The following SYNPO2 variants were observed in gnomAD, a reference collection of about 807,000 sequenced individuals.
SYNPO2 encodes the protein synaptopodin 2, also known as synaptopodin-2.
In SYNPO2, 56 loss-of-function variants were observed where a neutral mutation model predicts 85.0. That is an observed-to-expected ratio of 0.66 (90% CI 0.53 to 0.82). SYNPO2 has a LOEUF of 0.82. Among genes scored for constraint, SYNPO2 ranks in the 40% least tolerant of loss-of-function variants. The pLI is 0.00. For missense variants in SYNPO2, 1,575 were observed against 1,534.2 expected, an observed-to-expected ratio of 1.03 and a Z score of -0.44; for synonymous variants, 602 against 591.1, an observed-to-expected ratio of 1.02 and a Z score of -0.27.
At chr4:118,857,506 T>A (rs1731526189) in intron 1 of SYNPO2, among the ~76,000 whole-genome samples, 1 of 152,176 alleles carries the variant, frequency 6.6e-6, no homozygotes, top group Non-Finnish European at 1.5e-5. Flanking sequence ...AAGCCTTTGA[T>A]GAAAAAATTT....
chr4:119,032,929 T>TGA, intron 4 of SYNPO2: 5 of 905,314 alleles, frequency 5.5e-6, no homozygotes, highest in Non-Finnish European at 5.3e-6. Context: ...AAAGGTTGAT[T>TGA]CCCACCCTCC....
chr4:118,949,591 A>AG (rs1246310141), intron 1 of SYNPO2, among the ~76,000 whole-genome samples: 1 of 151,882 alleles, frequency 6.6e-6, no homozygotes, highest in East Asian at 1.9e-4. Context: ...AAAAAAAAAA[A>AG]AACAAAAATT....
At chr4:118,892,345 A>G (rs902729329) in intron 1 of SYNPO2, among the ~76,000 whole-genome samples, 5 of 152,204 alleles carry the variant, frequency 3.3e-5, no homozygotes, top group African/African-American at 1.2e-4. Flanking sequence ...TATATTCTAA[A>G]TATATGTGAT....
rs78116325 is a variant in SYNPO2 at position 118,997,999 on chromosome 4, G to A, written c.106-25431G>A. ...TCCTGACAGTAAAATAGCTTTGGGG[G>A]AATTGAGGAGAAAGGAGAGGGGCGC... On this transcript the variant is annotated intron_variant, in intron 1 of 4. Transcript: ENST00000307142. 6.3e-3 allele frequency among the ~76,000 whole-genome samples: 966 copies of A among 152,258 alleles called. 13 individuals are homozygous for A. The highest frequency in any genetic ancestry group is 0.022 in the African/African-American group (919 of 41,542).
At chr4:119,022,693 T>C (rs1174596265) in intron 1 of SYNPO2, among the ~76,000 whole-genome samples, 2 of 132,082 alleles carry the variant, frequency 1.5e-5, no homozygotes, top group East Asian at 4.3e-4. Context: ...TTTAATTGTA[T>C]TTTATTTTAT....
chr4:118,910,504 G>T (rs1456540805), intron 1 of SYNPO2, among the ~76,000 whole-genome samples: 3 of 152,214 alleles, frequency 2.0e-5, no homozygotes, highest in African/African-American at 7.2e-5. Flanking sequence ...GTGTGTGTGT[G>T]TGTTTATGAG....
At chr4:119,054,811 A>C (rs1200113964) in intron 4 of SYNPO2, among the ~76,000 whole-genome samples, 3 of 152,184 alleles carry the variant, frequency 2.0e-5, no homozygotes, top group African/African-American at 7.2e-5. Flanking sequence ...GTTTCAGACT[A>C]TTTTGGCTTG....
chr4:118,927,741 T>TAGATATATAGAC (rs1560874181), intron 1 of SYNPO2, among the ~76,000 whole-genome samples: 5 of 122,246 alleles, frequency 4.1e-5, no homozygotes, highest in Non-Finnish European at 7.2e-5. Context: ...GATAGATAGA[T>TAGATATATAGAC]AGATAGATGA....
intron 1 of SYNPO2, among the ~76,000 whole-genome samples, chr4:118,898,818 A>T (rs779879706): frequency 1.1e-4 from 17 of 152,176 alleles, no homozygotes; most frequent in South Asian, 2.1e-4. Flanking sequence ...CCCTCCCAGA[A>T]GTGCATTTAG....
At chr4:118,935,425 T>C (rs1734067878) in intron 1 of SYNPO2, among the ~76,000 whole-genome samples, 1 of 152,256 alleles carries the variant, frequency 6.6e-6, no homozygotes, top group African/African-American at 2.4e-5. Flanking sequence ...ACCTGATGTT[T>C]GATTTTTAAA....
intron 1 of SYNPO2, among the ~76,000 whole-genome samples, chr4:118,953,953 C>T (rs1443104217): frequency 6.6e-6 from 1 of 152,160 alleles, no homozygotes; most frequent in Admixed American, 6.5e-5. Flanking sequence ...TCATGTGCTT[C>T]CTCTTCCTCT....
chr4:118,982,417 C>T (rs1213674106), intron 1 of SYNPO2, among the ~76,000 whole-genome samples: 2 of 152,186 alleles, frequency 1.3e-5, no homozygotes, highest in African/African-American at 4.8e-5. Flanking sequence ...CCCATTATAA[C>T]CTCTTTTAAT....
chr4:118,887,702 T>A (rs1010013174), upstream of SYNPO2, among the ~76,000 whole-genome samples: 1 of 152,230 alleles, frequency 6.6e-6, no homozygotes, highest in African/African-American at 2.4e-5. Flanking sequence ...TAGACTGTAG[T>A]CACTTAACCT....
At chr4:118,891,022 A>G (rs1732361216) in intron 1 of SYNPO2, among the ~76,000 whole-genome samples, 1 of 151,534 alleles carries the variant, frequency 6.6e-6, no homozygotes, top group Non-Finnish European at 1.5e-5. Flanking sequence ...TCAATGTGGG[A>G]CCTCTTTGCG....
intron 1 of SYNPO2, among the ~76,000 whole-genome samples, chr4:118,974,165 G>A (rs567560777): frequency 5.9e-5 from 9 of 152,332 alleles, no homozygotes; most frequent in African/African-American, 2.2e-4. Context: ...TTTAGTGGGA[G>A]AGTAAATTTT....
chr4:118,966,075 C>A (rs78465834), intron 1 of SYNPO2, among the ~76,000 whole-genome samples: 3,873 of 152,112 alleles, frequency 0.025, 75 homozygotes, highest in Non-Finnish European at 0.039. Flanking sequence ...TAAGCCCATA[C>A]CTCATTCTGG....
chr4:118,957,346 G>T (rs1734916479), intron 1 of SYNPO2, among the ~76,000 whole-genome samples: 1 of 152,146 alleles, frequency 6.6e-6, no homozygotes, highest in Non-Finnish European at 1.5e-5. Context: ...CCATGCAATT[G>T]GGGGCCATGT....
intron 1 of SYNPO2, among the ~76,000 whole-genome samples, chr4:118,917,526 G>A (rs1392875463): frequency 2.0e-5 from 3 of 152,214 alleles, no homozygotes; most frequent in Non-Finnish European, 4.4e-5. Context: ...TAGTGTCAGA[G>A]TTTTGTGATT....
At chr4:118,874,772 C>A (rs542832275) in intron 1 of SYNPO2, among the ~76,000 whole-genome samples, 1 of 151,970 alleles carries the variant, frequency 6.6e-6, no homozygotes, top group African/African-American at 2.4e-5. Flanking sequence ...AGAAAAAAAA[C>A]AAAAATTTCA....
Sources: allele counts gnomAD v4.1 joint callset (sites outside exome capture counted in the v4.1 genomes callset), GRCh38; gene constraint gnomAD v4.1.1; transcripts MANE v1.5; gene names NCBI Gene and HGNC (gene_info 2026-07-23, HGNC 2026-07-21).